IP6K1: variants seen among roughly 807,000 people sequenced by gnomAD.
IP6K1 encodes ATP:1D-myo-inositol-hexakisphosphate phosphotransferase.
In IP6K1, 13 loss-of-function variants were observed where a neutral mutation model predicts 38.3. The observed-to-expected ratio is 0.34, with a 90% CI of 0.22 to 0.54. The LOEUF is 0.54. Among genes scored for constraint, IP6K1 ranks in the 20% least tolerant of loss-of-function variants. The probability of loss-of-function intolerance (pLI) is 0.92; values close to 1 mark genes in which losing one functional copy is unlikely to be tolerated. For synonymous variants in IP6K1, 212 were observed against 229.9 expected (o/e 0.92, Z 0.70); for missense variants, 397 against 599.8 (o/e 0.66, Z 3.53).
chr3:49,761,804 A>G (rs2108250138), intron 1 of IP6K1, among the ~76,000 whole-genome samples: 1 of 151,860 alleles, frequency 6.6e-6, no homozygotes, highest in Admixed American at 6.6e-5. Flanking sequence ...AAAAATGAAA[A>G]TTAGGCAGGC....
chr3:49,768,109 A>G (rs1318534943), intron 1 of IP6K1, among the ~76,000 whole-genome samples: 1 of 152,186 alleles, frequency 6.6e-6, no homozygotes, highest in African/African-American at 2.4e-5. Context: ...ACTGCTGGTG[A>G]GAATGTAAAG....
chr3:49,766,604 C>T (rs896521885), intron 1 of IP6K1, among the ~76,000 whole-genome samples: 1 of 150,696 alleles, frequency 6.6e-6, no homozygotes, highest in African/African-American at 2.4e-5. Context: ...GCAGAGGTTG[C>T]AGTGAGCCAA....
intron 1 of IP6K1, among the ~76,000 whole-genome samples, chr3:49,774,965 T>C (rs1338809799): frequency 6.6e-6 from 1 of 152,114 alleles, no homozygotes; most frequent in East Asian, 1.9e-4. Flanking sequence ...ACCTTCCAGA[T>C]CTACATACAT....
intron 2 of IP6K1, among the ~76,000 whole-genome samples, chr3:49,739,087 AG>A (rs2080642181): frequency 6.6e-6 from 1 of 152,150 alleles, no homozygotes; most frequent in Non-Finnish European, 1.5e-5. Flanking sequence ...ACCCCTCTCA[AG>A]TGTTCTTAAT....
At chr3:49,783,889 G>A (rs966066456) in intron 1 of IP6K1, among the ~76,000 whole-genome samples, 1 of 152,082 alleles carries the variant, frequency 6.6e-6, no homozygotes, top group Non-Finnish European at 1.5e-5. Flanking sequence ...TGCCTCACAA[G>A]TGCAGTATAA....
intron 1 of IP6K1, among the ~76,000 whole-genome samples, chr3:49,774,502 T>C (rs1403897591): frequency 6.6e-6 from 1 of 151,738 alleles, no homozygotes; most frequent in Non-Finnish European, 1.5e-5. Context: ...ATGTAGTATA[T>C]TATTACTAAC....
chr3:49,728,395 A>G lies in IP6K1; in HGVS notation c.617-117T>C, dbSNP rs2080531157. ...ACCTAATGCAGTATGTACTTGTCTC[A>G]AACTCTCAAATATGGGTTTCACACC... On this transcript the variant is annotated intron_variant, in intron 4 of 5. Coordinates refer to ENST00000321599, the MANE Select transcript of IP6K1 (RefSeq NM_153273.4). 3 of 891,696 alleles carry G rather than the reference A, an allele frequency of 3.4e-6. No homozygotes were observed. In the South Asian group the frequency reaches 5.2e-5, roughly 15 times the overall value. The allele number at this position is 891,696 out of a possible 1,614,324, so 55.2% of individuals were successfully genotyped here.
intron 1 of IP6K1, among the ~76,000 whole-genome samples, chr3:49,772,407 G>A (rs1279443478): frequency 6.7e-6 from 1 of 150,140 alleles, no homozygotes; most frequent in African/African-American, 2.4e-5. Flanking sequence ...ATATTCTAGA[G>A]CGTTCTCTTT....
At chr3:49,743,618 T>TG (rs71080548) in intron 2 of IP6K1, among the ~76,000 whole-genome samples, 27,338 of 127,946 alleles carry the variant, frequency 0.21, 4,004 homozygotes, top group Non-Finnish European at 0.31. Flanking sequence ...TTTTTTTTTT[T>TG]GTTTTTTTTT....
chr3:49,776,934 A>G (rs1231747623), intron 1 of IP6K1, among the ~76,000 whole-genome samples: 2 of 152,178 alleles, frequency 1.3e-5, no homozygotes, highest in South Asian at 2.1e-4. Flanking sequence ...TTCTATGACT[A>G]ACTGACATCT....
intron 1 of IP6K1, among the ~76,000 whole-genome samples, chr3:49,771,188 CAAAAAAAAA>C (rs35601566): frequency 1.4e-5 from 1 of 72,508 alleles, no homozygotes; most frequent in Non-Finnish European, 2.7e-5. Flanking sequence ...AACTCAGTAA[CAAAAAAAAA>C]AAAAAAAAAA....
intron 1 of IP6K1, among the ~76,000 whole-genome samples, chr3:49,756,838 A>AAAAAAAAAAAAAG (rs1559710132): frequency 1.7e-5 from 2 of 119,182 alleles, no homozygotes; most frequent in African/African-American, 3.7e-5. Flanking sequence ...AAAAAAAAAA[A>AAAAAAAAAAAAAG]AAAGAAAAAA....
chr3:49,749,279 T>C (rs1033986147), intron 1 of IP6K1, among the ~76,000 whole-genome samples: 27 of 152,314 alleles, frequency 1.8e-4, no homozygotes, highest in African/African-American at 6.5e-4. Flanking sequence ...TTTAAATCTA[T>C]GGTTGTCAAT....
rs2080506761 is a variant in IP6K1, at chr3:49,726,760, C to T, written c.*362G>A. The stretch of plus-strand genomic sequence containing the variant: ...GGCCCTGCACCAGCCCAGGGCTTTA[C>T]CTTACAATCAGCAGGGCCCTGCAGC... On this transcript the variant is annotated 3_prime_UTR_variant, in exon 6 of 6. Transcript: ENST00000321599. The T allele has an allele frequency of 2.9e-6, 1 of 345,536 alleles. No homozygotes were observed. The highest frequency in any genetic ancestry group is 4.3e-5 in the Admixed American group (1 of 23,340). 21.4% of individuals were successfully genotyped at this position (345,536 alleles called of 1,614,324 possible).
chr3:49,775,688 C>T, intron 1 of IP6K1: 1 of 474,570 alleles, frequency 2.1e-6, no homozygotes, highest in Non-Finnish European at 3.6e-6. Flanking sequence ...CTACTCCCGG[C>T]AGAAAGGGAG....
rs895503901 is a variant in IP6K1 at position 49,727,300 on chromosome 3, G to A, written c.1148C>T (p.Pro383Leu). Reference sequence around the variant, plus strand: ...GGGCTGAGAGGAGGGACCCGCCTCGGGGCTGGTGTTGCTGGGGCTGGTGCT... The same window carrying A: ...GGGCTGAGAGGAGGGACCCGCCTCGAGGCTGGTGTTGCTGGGGCTGGTGCT... Reference protein sequence around the residue: ...GPSTSPSNTSPEAGPSSQPKV... With the variant: ...GPSTSPSNTSLEAGPSSQPKV... Residue 383 changes from proline to leucine, a missense_variant, in exon 6 of 6, where the codon CCC becomes CTC. Pro to Leu is a moderately conservative substitution (Grantham distance 98). Coordinates refer to ENST00000321599, the MANE Select transcript of IP6K1 (RefSeq NM_153273.4). The surrounding 1 kb of genome is among the most constrained non-coding windows in gnomAD (Gnocchi z 5.9). The A allele has an allele frequency of 6.2e-7, 1 of 1,614,182 alleles. No homozygotes were observed. Among genetic ancestry groups the A allele is most frequent in the South Asian group, 1.1e-5 (1 of 91,078 alleles).
At chr3:49,785,615 C>A (rs1420705809) in intron 1 of IP6K1, 1 of 152,234 alleles carries the variant, frequency 6.6e-6, no homozygotes, top group Non-Finnish European at 1.5e-5. Context: ...TCCTTTGTCT[C>A]CTATGGCGAG....
intron 4 of IP6K1, among the ~76,000 whole-genome samples, chr3:49,730,202 A>T (rs1489685729): frequency 6.6e-6 from 1 of 151,904 alleles, no homozygotes. Context: ...CGCCTACCTA[A>T]TTTTTAATGT....
intron 1 of IP6K1, among the ~76,000 whole-genome samples, chr3:49,758,175 T>C (rs1003428893): frequency 6.6e-6 from 1 of 151,832 alleles, no homozygotes; most frequent in African/African-American, 2.4e-5. Context: ...CCAGGCATGG[T>C]GGCGGGCGCC....
Sources: allele counts gnomAD v4.1 joint callset (sites outside exome capture counted in the v4.1 genomes callset), GRCh38; gene constraint gnomAD v4.1.1; non-coding constraint Gnocchi (gnomAD v3.1); transcripts MANE v1.5; gene names NCBI Gene and HGNC (gene_info 2026-07-23, HGNC 2026-07-21).